PCDH15: variants seen among roughly 807,000 people sequenced by gnomAD.
The protein encoded by PCDH15 is protocadherin-15.
A neutral mutation model predicts 178.5 loss-of-function variants in PCDH15; 129 were observed. The ratio of observed to expected loss-of-function variants is 0.72; its 90% CI spans 0.63 to 0.84. The LOEUF is 0.84. Ranked by LOEUF, PCDH15 falls within the 40% of genes least tolerant of loss-of-function variation. The pLI is 0.00. For synonymous variants in PCDH15, 800 were observed against 732.0 expected (o/e 1.09, Z -1.50); for missense variants, 2,230 against 2,099.9 (o/e 1.06, Z -1.21).
At chr10:55,533,406 A>C (rs1841500830) in intron 2 of PCDH15, among the ~76,000 whole-genome samples, 1 of 152,100 alleles carries the variant, frequency 6.6e-6, no homozygotes, top group African/African-American at 2.4e-5. Flanking sequence ...TATATGTAGA[A>C]AAATCAGTAA....
intron 1 of PCDH15, among the ~76,000 whole-genome samples, chr10:55,317,819 C>T (rs937288853): frequency 3.6e-4 from 55 of 152,052 alleles, no homozygotes; most frequent in African/African-American, 1.3e-3. Flanking sequence ...CATGGCTGAA[C>T]GCCCAAGGGG....
intron 3 of PCDH15, among the ~76,000 whole-genome samples, chr10:54,463,835 C>T (rs920821372): frequency 2.1e-4 from 32 of 151,998 alleles, no homozygotes; most frequent in African/African-American, 7.5e-4. Flanking sequence ...ACAGTATGTA[C>T]GAGCGACATT....
intron 2 of PCDH15, among the ~76,000 whole-genome samples, chr10:55,466,436 G>T (rs1486942521): frequency 6.6e-6 from 1 of 152,128 alleles, no homozygotes; most frequent in African/African-American, 2.4e-5. Context: ...GGTTACATTT[G>T]TTAATCAATT....
chr10:53,983,193 T>C (rs921965916), intron 21 of PCDH15, among the ~76,000 whole-genome samples: 3 of 151,988 alleles, frequency 2.0e-5, no homozygotes, highest in Non-Finnish European at 4.4e-5. Flanking sequence ...GGAATTACTA[T>C]AAAGGAATTA....
chr10:54,280,283 T>G (rs1297509902), intron 8 of PCDH15, among the ~76,000 whole-genome samples: 147 of 65,802 alleles, frequency 2.2e-3, no homozygotes, highest in African/African-American at 0.019. Flanking sequence ...AATTTCTAGT[T>G]TTTTTTTTTT....
At chr10:55,553,269 T>G (rs868289352) in intron 2 of PCDH15, among the ~76,000 whole-genome samples, 1 of 151,582 alleles carries the variant, frequency 6.6e-6, no homozygotes. Context: ...CCTCTGGATT[T>G]CTGATTCTCA....
At chr10:55,624,895 A>G (rs1837491404) in intron 2 of PCDH15, among the ~76,000 whole-genome samples, 1 of 152,158 alleles carries the variant, frequency 6.6e-6, no homozygotes, top group African/African-American at 2.4e-5. Context: ...AATGGAAATG[A>G]AGAAATTTAC....
chr10:54,221,832 C>T (rs1057274304), intron 9 of PCDH15, among the ~76,000 whole-genome samples: 1 of 151,976 alleles, frequency 6.6e-6, no homozygotes, highest in African/African-American at 2.4e-5. Flanking sequence ...CGAACTCCTG[C>T]CCTCAGGTGA....
intron 3 of PCDH15, among the ~76,000 whole-genome samples, chr10:54,399,620 G>A (rs1251514743): frequency 6.6e-6 from 1 of 152,120 alleles, no homozygotes; most frequent in Non-Finnish European, 1.5e-5. Flanking sequence ...TCCAACTAGA[G>A]ATGAGTCTCA....
intron 32 of PCDH15, chr10:53,821,769 T>C: frequency 6.3e-7 from 1 of 1,578,976 alleles, no homozygotes; most frequent in Non-Finnish European, 8.5e-7. Flanking sequence ...GGTAAAATAA[T>C]AGAGTCTTCT....
At chr10:54,921,537 T>C (rs1837487463) in intron 2 of PCDH15, among the ~76,000 whole-genome samples, 2 of 152,162 alleles carry the variant, frequency 1.3e-5, no homozygotes, top group South Asian at 2.1e-4. Flanking sequence ...TATGTGTCCA[T>C]GTGTTCTCAA....
intron 2 of PCDH15, among the ~76,000 whole-genome samples, chr10:55,359,019 C>T (rs1845151394): frequency 6.6e-6 from 1 of 151,944 alleles, no homozygotes; most frequent in African/African-American, 2.4e-5. Flanking sequence ...TAGTGAGACT[C>T]CTTCTCTAAA....
intron 18 of PCDH15, among the ~76,000 whole-genome samples, chr10:54,026,489 G>A (rs139050622): frequency 6.6e-6 from 1 of 152,066 alleles, no homozygotes; most frequent in Non-Finnish European, 1.5e-5. Flanking sequence ...AGTTTAAATT[G>A]GTATAAATTA....
At chr10:54,916,866 A>AT (rs141088807) in intron 2 of PCDH15, among the ~76,000 whole-genome samples, 10,016 of 152,038 alleles carry the variant, frequency 0.066, 1,075 homozygotes, top group African/African-American at 0.22. Context: ...GATTTTTGGG[A>AT]TTTTTTGCAA....
chr10:54,339,803 G>T (rs936710522), intron 6 of PCDH15, among the ~76,000 whole-genome samples: 40 of 152,110 alleles, frequency 2.6e-4, no homozygotes, highest in African/African-American at 9.2e-4. Flanking sequence ...CCACCCCTTA[G>T]GTGATGTCTG....
intron 2 of PCDH15, among the ~76,000 whole-genome samples, chr10:55,382,395 AG>A (rs1455086219): frequency 6.6e-6 from 1 of 152,188 alleles, no homozygotes; most frequent in Non-Finnish European, 1.5e-5. Flanking sequence ...AATTAGATGA[AG>A]GAGACTGTGA....
intron 20 of PCDH15, among the ~76,000 whole-genome samples, chr10:54,015,623 C>G (rs2092717280): frequency 6.6e-6 from 1 of 152,008 alleles, no homozygotes; most frequent in Non-Finnish European, 1.5e-5. Context: ...TGATGTACAA[C>G]AAAATAAATA....
intron 21 of PCDH15, among the ~76,000 whole-genome samples, chr10:53,964,136 T>C (rs1350483600): frequency 6.6e-6 from 1 of 152,134 alleles, no homozygotes; most frequent in African/African-American, 2.4e-5. Context: ...TTTTGGCTAA[T>C]AAATTTACCT....
intron 20 of PCDH15, among the ~76,000 whole-genome samples, chr10:54,002,053 GTATATATATACATGTATA>G (rs1286664795): frequency 5.7e-5 from 4 of 69,942 alleles, no homozygotes; most frequent in Non-Finnish European, 1.3e-4. Flanking sequence ...ATACATATAT[GTATATATATACATGTATA>G]TATATACATA....
Sources: gnomAD v4.1 joint callset for allele counts (sites outside exome capture counted in the v4.1 genomes callset) on GRCh38, gnomAD v4.1.1 for gene constraint, MANE v1.5 for transcripts, NCBI Gene and HGNC (gene_info 2026-07-23, HGNC 2026-07-21) for gene names.